Variants in KDM6A observed in about 807,000 individuals in gnomAD.
KDM6A encodes the protein lysine demethylase 6A.
In KDM6A, 11 loss-of-function variants were observed where a neutral mutation model predicts 117.6. The observed-to-expected ratio is 0.09, with a 90% confidence interval of 0.06 to 0.15. The LOEUF (loss-of-function observed/expected upper bound fraction) is 0.15, where lower values mean the gene tolerates loss of function less well. KDM6A is among the 10% of genes least tolerant of loss of function. KDM6A has a pLI of 1.00. For missense variants in KDM6A, 799 were observed against 1,077.3 expected (o/e 0.74, Z 3.62); for synonymous variants, 384 against 396.1 (o/e 0.97, Z 0.36).
chrX:45,097,749 A>G (rs149604065), intron 27 of KDM6A, among the ~76,000 whole-genome samples: 4,290 of 111,422 alleles, frequency 0.039, 223 homozygotes, highest in African/African-American at 0.13. Context: ...CTGCACTTTC[A>G]AGTTCAAGTC....
At chrX:45,016,776 G>A (rs949985028) in intron 5 of KDM6A, among the ~76,000 whole-genome samples, 1 of 111,423 alleles carries the variant, frequency 9.0e-6, no homozygotes, top group African/African-American at 3.3e-5. Flanking sequence ...GGGATTACAG[G>A]TATGAGCCAC....
chrX:45,086,085 CT>C (rs1251307643), intron 25 of KDM6A, 106 bp downstream of exon 25: 1 of 510,655 alleles, frequency 2.0e-6, no homozygotes, highest in East Asian at 3.7e-5. Context: ...CCAGTATTCA[CT>C]TACCATTCAG....
chrX:45,053,776 A>G, intron 9 of KDM6A, 53 bp from the exon 10 acceptor site: 1 of 982,337 alleles, frequency 1.0e-6, no homozygotes, highest in Non-Finnish European at 1.4e-6. Context: ...ATTCTTAAAC[A>G]TAGAAGAACA....
chrX:44,974,126 A>G (rs968412628), intron 3 of KDM6A, among the ~76,000 whole-genome samples: 5 of 111,369 alleles, frequency 4.5e-5, no homozygotes, highest in Non-Finnish European at 9.4e-5. Flanking sequence ...GGCTCTGAAC[A>G]TGGGATTGCG....
At chrX:45,057,059 T>A (rs927264352) in intron 10 of KDM6A, among the ~76,000 whole-genome samples, 3 of 111,512 alleles carry the variant, frequency 2.7e-5, no homozygotes, top group Non-Finnish European at 3.8e-5. Context: ...ATTTCTTACA[T>A]CTTTCAAACC....
intron 4 of KDM6A, among the ~76,000 whole-genome samples, chrX:44,986,448 G>A (rs2040232484): frequency 9.0e-6 from 1 of 111,090 alleles, no homozygotes; most frequent in South Asian, 3.8e-4. Flanking sequence ...CTTGCCTTCT[G>A]CTAGCTTTTG....
chrX:44,955,108 G>A (rs2038250562), intron 2 of KDM6A, among the ~76,000 whole-genome samples: 1 of 111,705 alleles, frequency 9.0e-6, no homozygotes, highest in Non-Finnish European at 1.9e-5. Flanking sequence ...AGTGGAAAAA[G>A]TCTGATAAGT....
intron 3 of KDM6A, among the ~76,000 whole-genome samples, chrX:44,971,268 T>C (rs1409626522): frequency 1.8e-5 from 2 of 112,000 alleles, no homozygotes; most frequent in Non-Finnish European, 3.8e-5. Flanking sequence ...AAACCAGTTC[T>C]TCACCACAAC....
At chrX:44,890,549 C>G (rs773619585) in intron 2 of KDM6A, among the ~76,000 whole-genome samples, 5 of 107,317 alleles carry the variant, frequency 4.7e-5, no homozygotes, top group African/African-American at 1.4e-4. Flanking sequence ...ATTTGGTGTT[C>G]ATGCTGTTTT....
chrX:44,878,465 C>T (rs749457178), intron 2 of KDM6A, among the ~76,000 whole-genome samples: 2 of 112,062 alleles, frequency 1.8e-5, no homozygotes, highest in Non-Finnish European at 3.8e-5. Flanking sequence ...CTTCTGAACA[C>T]TTGCAGTCTT....
intron 25 of KDM6A, among the ~76,000 whole-genome samples, 180 bp from the exon 26 acceptor site, chrX:45,089,563 T>G (rs1401978173): frequency 9.0e-6 from 1 of 110,549 alleles, no homozygotes; most frequent in African/African-American, 3.3e-5. Flanking sequence ...TCTTTAGTAA[T>G]TTAGTACTCA....
intron 2 of KDM6A, among the ~76,000 whole-genome samples, chrX:44,892,551 G>A (rs143123973): frequency 0.028 from 3,058 of 110,991 alleles, 118 homozygotes; most frequent in African/African-American, 0.096. Context: ...AATTAGCTGG[G>A]CTTGGTTGCC....
At chrX:44,949,498 A>C (rs2037858673) in intron 2 of KDM6A, among the ~76,000 whole-genome samples, 1 of 110,253 alleles carries the variant, frequency 9.1e-6, no homozygotes, top group Non-Finnish European at 1.9e-5. Context: ...TAAAGCACTT[A>C]TTTTGGGGGA....
rs746400875 is a variant in KDM6A, at chrX:45,063,615, C to T, written c.1877C>T (p.Ala626Val). 8.3e-7 allele frequency: 1 copy of T among 1,210,771 alleles called. No homozygotes were observed. Among genetic ancestry groups the T allele is most frequent in the African/African-American group, 1.7e-5 (1 of 57,761 alleles). Reference sequence around the variant, plus strand: ...CCTTTGGCCAATGGACCCTTTTCTGCAGGCCATGTTCCCTGTAGCACATCA... The same window carrying T: ...CCTTTGGCCAATGGACCCTTTTCTGTAGGCCATGTTCCCTGTAGCACATCA... ...GQPLANGPFS[A>V]GHVPCSTSRT... is the part of the protein sequence containing the mutation. The change falls in exon 17 of 30, where the codon GCA (alanine) becomes GTA (valine). Residue 626 changes from alanine to valine, a missense_variant. Ala to Val is a moderately conservative substitution (Grantham distance 64). Transcript: ENST00000611820.
At chrX:44,894,995 G>A (rs775134896) in intron 2 of KDM6A, among the ~76,000 whole-genome samples, 1 of 111,011 alleles carries the variant, frequency 9.0e-6, no homozygotes, top group African/African-American at 3.3e-5. Context: ...TCGAACTCCT[G>A]ACCTCTGGTG....
At chrX:45,090,689 T>C (rs2045857308) in intron 26 of KDM6A, 34 bp from the exon 27 acceptor site, 1 of 1,201,645 alleles carries the variant, frequency 8.3e-7, no homozygotes, top group African/African-American at 1.8e-5. Context: ...TTTGGTACTT[T>C]GGGTTGCTTT....
At chrX:44,957,402 T>C (rs1023009445) in intron 2 of KDM6A, among the ~76,000 whole-genome samples, 1 of 112,381 alleles carries the variant, frequency 8.9e-6, no homozygotes, top group Admixed American at 9.4e-5. Context: ...AGATTAATAC[T>C]GCACATGAAA....
At chrX:45,083,978 G>A (rs994860403) in intron 24 of KDM6A, among the ~76,000 whole-genome samples, 8 of 111,725 alleles carry the variant, frequency 7.2e-5, no homozygotes, top group African/African-American at 9.8e-5. Context: ...ATATGTAACC[G>A]AATGCACATG....
At position 45,011,099 on chromosome X, in the gene KDM6A, G is replaced by T. The variant is rs773167123; in HGVS notation, c.443+80G>T. On this transcript the variant is annotated intron_variant, in intron 5 of 29. Coordinates refer to ENST00000611820, the MANE Select transcript of KDM6A (RefSeq NM_001291415.2). The stretch of plus-strand genomic sequence containing the variant: ...TTGTTTTGTTTGTGCTTGATTTTTT[G>T]TGTGTGTGTGTAATAAATAGAAAAT... 2.5e-3 allele frequency: 1,695 copies of T among 682,476 alleles called. 3 individuals carry two copies. The highest frequency in any genetic ancestry group is 3.3e-3 in the Non-Finnish European group (1,451 of 434,517). 56.2% of individuals were successfully genotyped at this position (682,476 alleles called of 1,213,427 possible). A position where few individuals can be genotyped will look rare whatever the true frequency, so the allele number is the denominator to read the frequency against.
Sources: allele counts gnomAD v4.1 joint callset (sites outside exome capture counted in the v4.1 genomes callset), GRCh38; gene constraint gnomAD v4.1.1; transcripts MANE v1.5; gene names NCBI Gene and HGNC (gene_info 2026-07-23, HGNC 2026-07-21).